ATP11C: variants seen among roughly 807,000 people sequenced by gnomAD.
The protein encoded by ATP11C is ATPase phospholipid transporting 11C (ATP11C blood group).
ATP11C carries 36 observed loss-of-function variants against 97.4 expected under a neutral mutation model. That is an observed-to-expected ratio of 0.37 (90% CI 0.28 to 0.49). ATP11C has a LOEUF of 0.49. Among genes scored for constraint, ATP11C ranks in the 20% least tolerant of loss-of-function variants. The probability of loss-of-function intolerance (pLI) is 0.98; values close to 1 mark genes in which losing one functional copy is unlikely to be tolerated. For synonymous variants in ATP11C, 275 were observed against 290.9 expected (o/e 0.95, Z 0.56); for missense variants, 730 against 824.6 (o/e 0.89, Z 1.40).
In ATP11C at chrX:139,745,763, A is replaced by C. The variant is rs944483041; in HGVS notation, c.2923T>G (p.Tyr975Asp). ...AGGGATGCAGTCTGAAAAAGAAAGT[A>C]AGTCCCAAAGAAGAACACTGTCCCT... The part of the protein sequence containing the change: ...FEGTVFFFGT[Y>D]FLFQTASLEE... Residue 975 changes from tyrosine (Y) to aspartate (D), a missense_variant, in exon 25 of 30, where the codon TAC becomes GAC. Coordinates refer to ENST00000682941, the MANE Select transcript of ATP11C (RefSeq NM_001353812.2). The C allele has an allele frequency of 1.2e-5, 15 of 1,207,117 alleles. No individual in the cohort carries two copies. In the Admixed American group the frequency reaches 2.2e-4, roughly 18 times the overall value.
chrX:139,731,612 G>C, intron 29 of ATP11C, 39 bp downstream of exon 29: 2 of 920,164 alleles, frequency 2.2e-6, no homozygotes, highest in Non-Finnish European at 3.0e-6. Context: ...CTGTTAATCC[G>C]ATTTTTTAAA....
At chrX:139,771,192 A>G (rs2082247728) in intron 19 of ATP11C, among the ~76,000 whole-genome samples, 1 of 111,320 alleles carries the variant, frequency 9.0e-6, no homozygotes, top group African/African-American at 3.3e-5. Flanking sequence ...CGTGAGAGTG[A>G]GTAAGTCTCA....
intron 1 of ATP11C, among the ~76,000 whole-genome samples, chrX:139,863,207 T>C (rs1322212299): frequency 8.9e-6 from 1 of 112,639 alleles, no homozygotes; most frequent in Non-Finnish European, 1.9e-5. Flanking sequence ...AAAACACATT[T>C]GTTTTTAATC....
chrX:139,935,439 G>A (rs2085512193), upstream of ATP11C, among the ~76,000 whole-genome samples: 1 of 110,810 alleles, frequency 9.0e-6, no homozygotes, highest in East Asian at 2.8e-4. Flanking sequence ...GGTGGCGGAT[G>A]CCTGTAGTCC....
rs1325293210 is a variant in ATP11C at position 139,768,315 on chromosome X, C to A, written c.2336G>T (p.Cys779Phe). 4.2e-6 allele frequency: 5 copies of A among 1,188,901 alleles called. No homozygotes were observed. The highest frequency in any genetic ancestry group is 2.3e-5 in the Admixed American group (1 of 44,306). The change falls in exon 20 of 30, where the codon TGT becomes TTT. Residue 779 changes from cysteine to phenylalanine, a missense_variant. By Grantham distance (205) the Cys-to-Phe change is radical (BLOSUM62 -2). Coordinates refer to ENST00000682941, the MANE Select transcript of ATP11C (RefSeq NM_001353812.2). Reference sequence around the variant, plus strand: ...GCAGAGCACTGCAGTACACTTCATACATATTTGTAGGAAAATGCTTTTGTA... The same window carrying A: ...GCAGAGCACTGCAGTACACTTCATAAATATTTGTAGGAAAATGCTTTTGTA... Reference protein sequence around the residue: ...NNYKSIFLQICMKCTAVLCCR... With the variant: ...NNYKSIFLQIFMKCTAVLCCR...
intron 7 of ATP11C, among the ~76,000 whole-genome samples, chrX:139,800,924 G>T (rs1172233520): frequency 1.8e-5 from 2 of 111,850 alleles, no homozygotes; most frequent in Non-Finnish European, 3.8e-5. Flanking sequence ...TATTAATTGT[G>T]CCAGTGCTAT....
At position 139,787,234 on chromosome X, in the gene ATP11C, T is replaced by C. The variant is rs764752939; in HGVS notation, c.1531A>G (p.Thr511Ala). 57 of 1,177,759 alleles carry C rather than the reference T, an allele frequency of 4.8e-5. No homozygotes were observed. The highest frequency in any genetic ancestry group is 3.0e-5 in the East Asian group (1 of 33,565). ...TATCCATTTCGATTTCCTAAAAATG[T>C]GAACCCGTACCTATCAAAAACAATA... is the stretch of plus-strand genomic sequence containing the variant. ...LVKGAKRYGF[T>A]FLGNRNGYMR... Residue 511 changes from threonine (T) to alanine (A), a missense_variant, in exon 15 of 30, where the codon ACA becomes GCA. By Grantham distance (58) the Thr-to-Ala change is moderately conservative. Transcript: ENST00000682941.
chrX:139,783,121 T>C lies in ATP11C; in HGVS notation c.1770+43A>G, dbSNP rs184269045. 8.3e-5 allele frequency: 75 copies of C among 904,027 alleles called. 1 individual carries two copies. In the Admixed American group the frequency reaches 1.5e-3, roughly 18 times the overall value. 74.5% of individuals were successfully genotyped at this position (904,027 alleles called of 1,213,427 possible). A position where few individuals can be genotyped will look rare whatever the true frequency, so the allele number is the denominator to read the frequency against. ...CCAATAAACATAGTCATTTTCAACA[T>C]TTCTCTGCTTACTTATTGGTGGGGG... On this transcript the variant is annotated intron_variant, in intron 17 of 29. Coordinates refer to ENST00000682941, the MANE Select transcript of ATP11C (RefSeq NM_001353812.2).
chrX:139,906,906 CT>C (rs918647711), intron 1 of ATP11C, among the ~76,000 whole-genome samples: 1 of 111,552 alleles, frequency 9.0e-6, no homozygotes, highest in African/African-American at 3.3e-5. Flanking sequence ...CTGATGGGGT[CT>C]GATAAGGTCC....
intron 2 of ATP11C, among the ~76,000 whole-genome samples, chrX:139,820,265 G>C (rs2083378828): frequency 9.2e-6 from 1 of 109,157 alleles, no homozygotes; most frequent in Admixed American, 9.8e-5. Flanking sequence ...GCTGGACATG[G>C]TGGTGCACGC....
intron 1 of ATP11C, among the ~76,000 whole-genome samples, chrX:139,831,203 T>G (rs1054633289): frequency 1.8e-5 from 2 of 111,814 alleles, no homozygotes; most frequent in African/African-American, 6.5e-5. Context: ...TGGGGCATTT[T>G]GTGTTGTTCT....
At chrX:139,784,324 C>T (rs777528384) in intron 16 of ATP11C, among the ~76,000 whole-genome samples, 4 of 110,785 alleles carry the variant, frequency 3.6e-5, no homozygotes, top group Non-Finnish European at 7.6e-5. Context: ...ATTCACAAAA[C>T]AAACTCCATG....
intron 19 of ATP11C, among the ~76,000 whole-genome samples, chrX:139,773,427 C>T (rs1256393413): frequency 9.0e-6 from 1 of 111,186 alleles, no homozygotes; most frequent in Admixed American, 9.6e-5. Flanking sequence ...GAAAAAAGCC[C>T]TCACAAGAAC....
intron 21 of ATP11C, 63 bp downstream of exon 21, chrX:139,763,253 C>T (rs975716257): frequency 1.1e-5 from 10 of 898,886 alleles, no homozygotes; most frequent in Non-Finnish European, 1.6e-5. Context: ...GAATGTAAGA[C>T]CACACTACCT....
rs1193447317 is a variant in ATP11C at position 139,765,781 on chromosome X, A to G, written c.2392-2363T>C. ...GTGTAGGAAGAACCGGAGGAAAGCA[A>G]GACTGTGGGCAAAGAGAGAAGTTAG... On this transcript the variant is annotated intron_variant, in intron 20 of 29. Transcript: ENST00000682941. 3.6e-5 allele frequency among the ~76,000 whole-genome samples: 4 copies of G among 112,048 alleles called. No homozygotes were observed. The Admixed American group carries it at 3.8e-4, about 11-fold the overall frequency.
intron 1 of ATP11C, among the ~76,000 whole-genome samples, chrX:139,836,916 C>A (rs2083758099): frequency 9.0e-6 from 1 of 111,418 alleles, no homozygotes; most frequent in African/African-American, 3.3e-5. Flanking sequence ...GAATTAACTA[C>A]CATGAGGGCA....
At chrX:139,757,956 T>A (rs772333632) in intron 22 of ATP11C, 89 bp from the exon 23 acceptor site, 3 of 554,696 alleles carry the variant, frequency 5.4e-6, no homozygotes, top group Non-Finnish European at 8.5e-6. Context: ...AAATAGTTTA[T>A]AATTATTCCT....
At chrX:139,730,052 A>G (rs1486541078) in intron 29 of ATP11C, among the ~76,000 whole-genome samples, 1 of 112,090 alleles carries the variant, frequency 8.9e-6, no homozygotes, top group East Asian at 2.8e-4. Flanking sequence ...CAAGGAACAA[A>G]CTAGATGCCT....
At chrX:139,898,553 G>A (rs774527153) in intron 1 of ATP11C, among the ~76,000 whole-genome samples, 42 of 111,214 alleles carry the variant, frequency 3.8e-4, no homozygotes, top group African/African-American at 1.0e-3. Context: ...ATGAGTAGAC[G>A]TGGGGATGAG....
Sources: gnomAD v4.1 joint callset for allele counts (sites outside exome capture counted in the v4.1 genomes callset) on GRCh38, gnomAD v4.1.1 for gene constraint, MANE v1.5 for transcripts, NCBI Gene and HGNC (gene_info 2026-07-23, HGNC 2026-07-21) for gene names.